The following POU6F1 variants were observed in gnomAD, a reference collection of about 807,000 sequenced individuals.
POU6F1 encodes POU domain, class 6, transcription factor 1.
A neutral mutation model predicts 28.9 loss-of-function variants in POU6F1; 9 were observed. That is an observed-to-expected ratio of 0.31 (90% CI 0.19 to 0.54). The LOEUF (loss-of-function observed/expected upper bound fraction) is 0.54. Among genes scored for constraint, POU6F1 ranks in the 20% least tolerant of loss-of-function variants. POU6F1 has a pLI of 0.94. For missense variants in POU6F1, 338 were observed against 426.1 expected (o/e 0.79, Z 1.82); for synonymous variants, 173 against 171.1 (o/e 1.01, Z -0.09).
In POU6F1 at chr12:51,196,834, T is replaced by A; in HGVS notation, c.940A>T (p.Ile314Phe). The A allele has an allele frequency of 6.2e-7, 1 of 1,614,034 alleles. No homozygotes were observed. Among genetic ancestry groups the A allele is most frequent in the Non-Finnish European group, 8.5e-7 (1 of 1,179,942 alleles). ...GCATTGGTGAGGATCTGACTGCTGA[T>A]CCCTGGCATGCTGGGAATGGCGCTG... ...ITSAIPSMPG[I>F]SSQILTNAQG... Residue 314 changes from isoleucine (I) to phenylalanine (F), a missense_variant, in exon 7 of 11, where the codon ATC becomes TTC. Physicochemically the swap from Ile to Phe is conservative, Grantham distance 21. Coordinates refer to ENST00000333640, the MANE Select transcript of POU6F1 (RefSeq NM_001330422.2).
chr12:51,206,347 C>T (rs1218184323), intron 2 of POU6F1, among the ~76,000 whole-genome samples: 3 of 150,740 alleles, frequency 2.0e-5, no homozygotes, highest in Non-Finnish European at 3.0e-5. Flanking sequence ...GGTGTGAACC[C>T]GGGAGGCGGA....
At position 51,217,997 on chromosome 12, in the gene POU6F1, C is replaced by G. The variant is rs1350360419; in HGVS notation, c.-403G>C. Among the ~76,000 whole-genome samples, 2 of 151,864 alleles carry G rather than the reference C, an allele frequency of 1.3e-5. No individual in the cohort carries two copies. The highest frequency in any genetic ancestry group is 2.4e-5 in the African/African-American group (1 of 41,384). ...CCACGACCCCCCCCTTTTCCCTCCCCCCCTTTTTTCCCTCCTTCTGCTACT... is the reference window on the plus strand; with the variant it reads ...CCACGACCCCCCCCTTTTCCCTCCCGCCCTTTTTTCCCTCCTTCTGCTACT... On this transcript the variant is annotated 5_prime_UTR_variant, in exon 1 of 11. Coordinates refer to ENST00000333640, the MANE Select transcript of POU6F1 (RefSeq NM_001330422.2). The surrounding 1 kb of genome is among the most constrained non-coding windows in gnomAD (Gnocchi z 5.3).
intron 1 of POU6F1, among the ~76,000 whole-genome samples, chr12:51,209,860 G>C (rs1453639158): frequency 2.6e-5 from 4 of 152,208 alleles, no homozygotes; most frequent in Admixed American, 6.5e-5. Context: ...GTAGGATGAG[G>C]GGGTGCAGGA....
At chr12:51,204,689 G>A (rs527411029) in intron 2 of POU6F1, among the ~76,000 whole-genome samples, 6 of 152,258 alleles carry the variant, frequency 3.9e-5, no homozygotes, top group South Asian at 2.1e-4. Flanking sequence ...TGCAGGGAGC[G>A]GCGGATGGCC....
intron 8 of POU6F1, among the ~76,000 whole-genome samples, chr12:51,193,316 G>A (rs1013279345): frequency 1.3e-5 from 2 of 152,070 alleles, no homozygotes; most frequent in African/African-American, 2.4e-5. Context: ...GGTCGGGCGC[G>A]GTGGCTCACG....
At chr12:51,204,790 C>T (rs1479119469) in intron 2 of POU6F1, among the ~76,000 whole-genome samples, 4 of 152,110 alleles carry the variant, frequency 2.6e-5, no homozygotes, top group East Asian at 1.9e-4. Context: ...CAGCTTAAGT[C>T]GGGCCAGGAA....
chr12:51,207,009 G>T, intron 1 of POU6F1, 126 bp from the exon 2 acceptor site: 3 of 364,024 alleles, frequency 8.2e-6, no homozygotes, highest in Non-Finnish European at 1.5e-5. Flanking sequence ...AGTATCTGTA[G>T]AGGTTAAAAA....
chr12:51,215,135 G>A (rs1306412239), intron 1 of POU6F1, among the ~76,000 whole-genome samples: 3 of 151,984 alleles, frequency 2.0e-5, no homozygotes, highest in African/African-American at 4.8e-5. Flanking sequence ...TTGAAGATAC[G>A]AGGTCACGTC....
At chr12:51,212,654 C>A (rs2137231097) in intron 1 of POU6F1, among the ~76,000 whole-genome samples, 1 of 150,928 alleles carries the variant, frequency 6.6e-6, no homozygotes, top group Non-Finnish European at 1.5e-5. Flanking sequence ...GTGGCACATG[C>A]CTGTAATCCC....
intron 2 of POU6F1, among the ~76,000 whole-genome samples, chr12:51,206,250 C>T (rs2137188805): frequency 6.6e-6 from 1 of 150,988 alleles, no homozygotes; most frequent in Middle Eastern, 3.4e-3. Context: ...GGTGAAACCC[C>T]ATCTCTACTA....
chr12:51,190,182 G>A lies in POU6F1; in HGVS notation c.*65C>T. 4 of 1,563,768 alleles carry A rather than the reference G, an allele frequency of 2.6e-6. No individual in the cohort carries two copies. The highest frequency in any genetic ancestry group is 3.5e-6 in the Non-Finnish European group (4 of 1,156,376). On this transcript the variant is annotated 3_prime_UTR_variant, in exon 11 of 11. Transcript: ENST00000333640. This position sits in a 1 kb window ranked among gnomAD's most constrained non-coding sequence, Gnocchi z 4.5. ...CAAAATGACAGGTGCTGTCATGGCA[G>A]TGGCTGCAGCCGGATGCCACGGGAA...
In POU6F1 at chr12:51,196,001, G is replaced by C; in HGVS notation, c.1148C>G (p.Pro383Arg). Residue 383 changes from proline to arginine, a missense_variant, in exon 8 of 11, where the codon CCA becomes CGA. Pro to Arg is a moderately radical substitution (Grantham distance 103). This residue lies in a region of POU6F1 where 206 missense variants were observed against 225.6 expected (regional missense o/e 0.91). Transcript: ENST00000333640. The part of the protein sequence containing the change: ...PLPPPVAVRK[P>R]STPESPAKSE... ...CTTAGCAGGGGACTCAGGTGTGCTT[G>C]GCTTCCGGACAGCCACAGGTGGAGG... is the stretch of plus-strand genomic sequence containing the variant. The C allele has an allele frequency of 6.3e-7, 1 of 1,594,082 alleles. No homozygotes were observed. Among genetic ancestry groups the C allele is most frequent in the Non-Finnish European group, 8.5e-7 (1 of 1,176,106 alleles).
chr12:51,206,240 G>A (rs1346800850), intron 2 of POU6F1, among the ~76,000 whole-genome samples: 9 of 150,792 alleles, frequency 6.0e-5, no homozygotes, highest in East Asian at 4.0e-4. Flanking sequence ...TGGCTAACAC[G>A]GTGAAACCCC....
chr12:51,208,433 T>C (rs760698435), intron 1 of POU6F1, among the ~76,000 whole-genome samples: 1 of 152,216 alleles, frequency 6.6e-6, no homozygotes, highest in African/African-American at 2.4e-5. Flanking sequence ...TTGCTTGCTG[T>C]ATTACTCATG....
intron 1 of POU6F1, among the ~76,000 whole-genome samples, chr12:51,212,578 C>T (rs562969509): frequency 2.0e-5 from 3 of 149,068 alleles, no homozygotes; most frequent in Admixed American, 2.0e-4. Context: ...GACGGGAGTT[C>T]GAGACCAGTC....
chr12:51,211,205 G>A (rs1263950649), intron 1 of POU6F1, among the ~76,000 whole-genome samples: 12 of 152,242 alleles, frequency 7.9e-5, no homozygotes, highest in Admixed American at 5.9e-4. Context: ...ACAATCAGCT[G>A]TCTGTTTCAA....
intron 5 of POU6F1, 80 bp from the exon 6 acceptor site, chr12:51,198,103 CAAG>C: frequency 7.5e-6 from 3 of 398,630 alleles, no homozygotes; most frequent in African/African-American, 2.1e-5. Flanking sequence ...GGATCTGGCA[CAAG>C]AAGGAGAGGG....
chr12:51,191,905 AC>A, intron 9 of POU6F1, 141 bp from the exon 10 acceptor site: 1 of 1,050,612 alleles, frequency 9.5e-7, no homozygotes, highest in South Asian at 1.5e-5. Context: ...GACTCTTATC[AC>A]CTTTGTCCCC....
Position 51,190,631 on chromosome 12 carries a change from A to G in POU6F1, c.1491-39T>C, listed in dbSNP as rs746343924. 1.9e-5 allele frequency: 30 copies of G among 1,597,760 alleles called. No homozygotes were observed. The highest frequency in any genetic ancestry group is 2.5e-5 in the Non-Finnish European group (29 of 1,171,754). ...ATACCCAGGAAGAGGCAGTGAGAGC[A>G]TGTTGGTCTCTTTGGCACACCCCGC... On this transcript the variant is annotated intron_variant, in intron 10 of 10. Coordinates refer to ENST00000333640, the MANE Select transcript of POU6F1 (RefSeq NM_001330422.2). This position sits in a 1 kb window ranked among gnomAD's most constrained non-coding sequence, Gnocchi z 4.5.
Sources: allele counts gnomAD v4.1 joint callset (sites outside exome capture counted in the v4.1 genomes callset), GRCh38; gene constraint gnomAD v4.1.1; regional missense constraint gnomAD v4.1.1; non-coding constraint Gnocchi (gnomAD v3.1); transcripts MANE v1.5; gene names NCBI Gene and HGNC (gene_info 2026-07-23, HGNC 2026-07-21).